PRP4K: variants seen among roughly 807,000 people sequenced by gnomAD.
The protein encoded by PRP4K is serine/threonine-protein kinase PRP4 homolog.
the PRP4K span, among the ~76,000 whole-genome samples, chr6:4,023,412 C>G: frequency 2.6e-5 from 4 of 152,208 alleles, no homozygotes; most frequent in East Asian, 7.7e-4. Flanking sequence ...TGCTCAAGGT[C>G]ACACTCAGTG....
chr6:4,044,633 GC>G, the PRP4K span, among the ~76,000 whole-genome samples: 21 of 151,920 alleles, frequency 1.4e-4, no homozygotes, highest in African/African-American at 4.6e-4. Context: ...GGGGAAAGGA[GC>G]CCTTTTTCAG....
At chr6:4,047,964 A>G in the PRP4K span, among the ~76,000 whole-genome samples, 1 of 151,540 alleles carries the variant, frequency 6.6e-6, no homozygotes, top group African/African-American at 2.4e-5. Context: ...AGGAACACCA[A>G]CCTATAAATG....
At chr6:4,053,219 C>T in the PRP4K span, among the ~76,000 whole-genome samples, 1 of 151,490 alleles carries the variant, frequency 6.6e-6, no homozygotes, top group Non-Finnish European at 1.5e-5. Flanking sequence ...AAGGAGTGTC[C>T]GTACTCTTCT....
the PRP4K span, among the ~76,000 whole-genome samples, chr6:4,044,847 T>TATC: frequency 8.7e-6 from 1 of 115,396 alleles, no homozygotes; most frequent in African/African-American, 3.3e-5. Flanking sequence ...AATATATGGT[T>TATC]ATTATTATTA....
the PRP4K span, among the ~76,000 whole-genome samples, chr6:4,059,937 G>A: frequency 6.6e-5 from 10 of 152,144 alleles, no homozygotes; most frequent in African/African-American, 2.2e-4. Context: ...GAGCCACCGC[G>A]CCCAGCCCAG....
At chr6:4,034,026 A>G in the PRP4K span, among the ~76,000 whole-genome samples, 1 of 152,054 alleles carries the variant, frequency 6.6e-6, no homozygotes, top group Non-Finnish European at 1.5e-5. Flanking sequence ...AGTGATGCAT[A>G]CTTACTTATT....
chr6:4,048,865 G>T, the PRP4K span: 1 of 456,750 alleles, frequency 2.2e-6, no homozygotes. Context: ...CAGCTATGTT[G>T]GATTTACATA....
At chr6:4,042,435 A>G in the PRP4K span, 12 of 1,366,570 alleles carry the variant, frequency 8.8e-6, no homozygotes, top group African/African-American at 1.0e-4. Context: ...TTTAAAATGT[A>G]TAAGGGGTAT....
chr6:4,032,570 A>G, the PRP4K span: 1 of 1,613,284 alleles, frequency 6.2e-7, no homozygotes, highest in Non-Finnish European at 8.5e-7. Flanking sequence ...GTAGTCCTAA[A>G]AGAAGAAGTT....
chr6:4,026,762 A>G, the PRP4K span, among the ~76,000 whole-genome samples: 1 of 152,236 alleles, frequency 6.6e-6, no homozygotes, highest in African/African-American at 2.4e-5. Context: ...CAAGAATTAT[A>G]TTAGTGGTAA....
the PRP4K span, among the ~76,000 whole-genome samples, chr6:4,038,592 C>T: frequency 8.5e-5 from 13 of 152,190 alleles, no homozygotes; most frequent in South Asian, 4.1e-4. Flanking sequence ...CTACCGCTTA[C>T]TCATGTTTCG....
the PRP4K span, chr6:4,044,068 C>A: frequency 6.4e-7 from 1 of 1,552,074 alleles, no homozygotes; most frequent in Non-Finnish European, 8.9e-7. Context: ...GAATTGTTAG[C>A]TCTGTAACTT....
the PRP4K span, among the ~76,000 whole-genome samples, chr6:4,058,414 T>G: frequency 1.3e-5 from 2 of 152,218 alleles, no homozygotes; most frequent in African/African-American, 4.8e-5. Flanking sequence ...TTTTGTGATA[T>G]TTTTAGGAAG....
chr6:4,050,361 T>C, the PRP4K span: 4 of 793,000 alleles, frequency 5.0e-6, no homozygotes, highest in African/African-American at 7.0e-5. Context: ...TTTAAAATTA[T>C]AGCCATATGT....
chr6:4,037,602 ACT>A, the PRP4K span: 2 of 1,582,820 alleles, frequency 1.3e-6, no homozygotes, highest in South Asian at 1.1e-5. Flanking sequence ...GATTCATTAA[ACT>A]CTGAATGTTT....
At chr6:4,053,831 G>A in the PRP4K span, among the ~76,000 whole-genome samples, 5 of 152,160 alleles carry the variant, frequency 3.3e-5, no homozygotes, top group South Asian at 2.1e-4. Flanking sequence ...AAAGCTAAGC[G>A]TGTAAGGTGT....
At chr6:4,022,091 C>T in the PRP4K span, among the ~76,000 whole-genome samples, 2 of 144,928 alleles carry the variant, frequency 1.4e-5, no homozygotes, top group South Asian at 2.2e-4. Context: ...CTACCGGCAG[C>T]TTTTTTACCA....
At chr6:4,031,514 C>T in the PRP4K span, 2 of 1,329,888 alleles carry the variant, frequency 1.5e-6, no homozygotes, top group South Asian at 1.6e-5. Flanking sequence ...TCTTTGAATA[C>T]TTGATAAATG....
the PRP4K span, among the ~76,000 whole-genome samples, chr6:4,038,644 C>T: frequency 6.6e-6 from 1 of 152,058 alleles, no homozygotes; most frequent in Admixed American, 6.6e-5. Flanking sequence ...CTTCTAGAGT[C>T]AGTATAATCA....
Sources: allele counts gnomAD v4.1 joint callset (sites outside exome capture counted in the v4.1 genomes callset), GRCh38; gene constraint gnomAD v4.1.1; transcripts MANE v1.5; gene names NCBI Gene and HGNC (gene_info 2026-07-23, HGNC 2026-07-21).